PSD3: variants seen among roughly 807,000 people sequenced by gnomAD.
PSD3 encodes the protein PH and SEC7 domain-containing protein 3.
In PSD3, 49 loss-of-function variants were observed where a neutral mutation model predicts 105.5. The observed-to-expected ratio is 0.46, with a 90% CI of 0.37 to 0.59. The LOEUF (loss-of-function observed/expected upper bound fraction) is 0.59. Ranked by LOEUF, PSD3 falls within the 20% of genes least tolerant of loss-of-function variation. PSD3 has a pLI of 0.00. For missense variants in PSD3, 1,561 were observed against 1,263.8 expected, an observed-to-expected ratio of 1.24 and a Z score of -3.57; for synonymous variants, 557 against 457.8, an observed-to-expected ratio of 1.22 and a Z score of -2.77.
intron 1 of PSD3, among the ~76,000 whole-genome samples, chr8:18,972,284 T>G (rs1034666735): frequency 6.6e-6 from 1 of 152,198 alleles, no homozygotes; most frequent in Non-Finnish European, 1.5e-5. Flanking sequence ...ATTGATTTTC[T>G]GCAATGATAC....
At chr8:18,715,376 T>C (rs2129423886) in intron 9 of PSD3, among the ~76,000 whole-genome samples, 1 of 152,338 alleles carries the variant, frequency 6.6e-6, no homozygotes, top group East Asian at 1.9e-4. Flanking sequence ...ATTAAGCAGA[T>C]CTAAGAAACA....
At chr8:18,669,051 T>C (rs1799633021) in intron 9 of PSD3, among the ~76,000 whole-genome samples, 2 of 152,224 alleles carry the variant, frequency 1.3e-5, no homozygotes, top group South Asian at 4.1e-4. Flanking sequence ...AATTCTCCTT[T>C]AACACATCAC....
At chr8:18,876,164 C>G (rs1026182191) in intron 2 of PSD3, among the ~76,000 whole-genome samples, 23 of 152,070 alleles carry the variant, frequency 1.5e-4, no homozygotes, top group Admixed American at 1.3e-4. Context: ...TGATCTCAAG[C>G]AAACCTCCCA....
rs1327132973 is a variant in PSD3, at chr8:19,040,004, A to G, written c.324+44202T>C. ...TTGGGGGGTATTTATTTTAGTTAGGATGGTGTAAGGAGATGATATCTGGGC... is the reference window on the plus strand; with the variant it reads ...TTGGGGGGTATTTATTTTAGTTAGGGTGGTGTAAGGAGATGATATCTGGGC... On this transcript the variant is annotated intron_variant, in intron 1 of 1. Coordinates refer to the PSD3 transcript ENST00000521475. 1.1e-4 allele frequency among the ~76,000 whole-genome samples: 16 copies of G among 152,138 alleles called. 1 individual carries two copies. Among genetic ancestry groups the G allele is most frequent in the Admixed American group, 1.0e-3 (16 of 15,282 alleles).
intron 2 of PSD3, among the ~76,000 whole-genome samples, chr8:18,918,643 G>T (rs1157098621): frequency 6.6e-6 from 1 of 152,168 alleles, no homozygotes; most frequent in African/African-American, 2.4e-5. Context: ...TCTTTGCCCA[G>T]GCCTGTTCCC....
At chr8:18,776,496 G>C (rs139066671) in intron 8 of PSD3, among the ~76,000 whole-genome samples, 1,734 of 151,592 alleles carry the variant, frequency 0.011, 31 homozygotes, top group African/African-American at 0.04. Flanking sequence ...TGATTCGTCT[G>C]CCTCAGCTTC....
chr8:18,998,832 T>C (rs372434650), intron 1 of PSD3, among the ~76,000 whole-genome samples: 2,107 of 151,502 alleles, frequency 0.014, 72 homozygotes, highest in African/African-American at 0.049. Context: ...TTTATAGTTA[T>C]GATACATAAA....
intron 9 of PSD3, among the ~76,000 whole-genome samples, chr8:18,735,896 A>G (rs552068510): frequency 6.6e-6 from 1 of 152,306 alleles, no homozygotes; most frequent in Admixed American, 6.5e-5. Context: ...GGCAAATTGA[A>G]CAAAGATTGT....
At chr8:18,676,368 C>T (rs113058813) in intron 9 of PSD3, among the ~76,000 whole-genome samples, 79 of 152,162 alleles carry the variant, frequency 5.2e-4, no homozygotes, top group African/African-American at 1.9e-3. Flanking sequence ...TGGGACGCGG[C>T]TTCTCCTTCA....
chr8:18,640,538 C>G (rs1807569117), intron 10 of PSD3, among the ~76,000 whole-genome samples: 3 of 152,254 alleles, frequency 2.0e-5, no homozygotes, highest in Non-Finnish European at 2.9e-5. Context: ...TCACTTGGCT[C>G]TCATTCTTCT....
chr8:18,595,559 C>A lies in PSD3; in HGVS notation c.2481+4805G>T, dbSNP rs559434336. The stretch of plus-strand genomic sequence containing the variant: ...GAGACTCACTTTAGATTTAAAGACA[C>A]ACACACCTGAACATGAAATAATGGA... On this transcript the variant is annotated intron_variant, in intron 12 of 15. Transcript: ENST00000327040. Among the ~76,000 whole-genome samples the A allele has an allele frequency of 7.9e-5, 12 of 150,982 alleles. No homozygotes were observed. In the East Asian group the frequency reaches 2.1e-3, roughly 27 times the overall value.
At chr8:18,752,534 A>ATATAATATATAT (rs1805616360) in intron 9 of PSD3, among the ~76,000 whole-genome samples, 2 of 21,516 alleles carry the variant, frequency 9.3e-5, no homozygotes, top group African/African-American at 4.8e-4. Flanking sequence ...ATATAATTAT[A>ATATAATATATAT]TATTATATAT....
intron 1 of PSD3, among the ~76,000 whole-genome samples, chr8:19,019,224 T>C (rs1169691263): frequency 6.6e-6 from 1 of 152,156 alleles, no homozygotes; most frequent in African/African-American, 2.4e-5. Context: ...TTCAGGTTAA[T>C]GCTTTAAACT....
intron 10 of PSD3, among the ~76,000 whole-genome samples, chr8:18,653,361 A>G (rs1808658097): frequency 6.9e-6 from 1 of 144,648 alleles, no homozygotes; most frequent in African/African-American, 2.7e-5. Context: ...GAGAAAAAGA[A>G]AAAAAGACAA....
chr8:18,779,228 T>C (rs1808378547), intron 8 of PSD3, among the ~76,000 whole-genome samples: 2 of 152,218 alleles, frequency 1.3e-5, no homozygotes, highest in Admixed American at 1.3e-4. Context: ...TAGGTTCCAA[T>C]TTGTTCAGAC....
chr8:18,842,519 G>T (rs912019455), intron 4 of PSD3, among the ~76,000 whole-genome samples: 2 of 152,112 alleles, frequency 1.3e-5, no homozygotes, highest in Admixed American at 6.5e-5. Flanking sequence ...GGATCACAAG[G>T]TCAGGAGATC....
At chr8:18,818,908 G>C (rs1812454819) in intron 4 of PSD3, among the ~76,000 whole-genome samples, 1 of 152,068 alleles carries the variant, frequency 6.6e-6, no homozygotes, top group Admixed American at 6.5e-5. Context: ...GGGGGGAAAA[G>C]TCATCCCTGC....
At chr8:19,072,819 T>C (rs1004807671) in intron 1 of PSD3, among the ~76,000 whole-genome samples, 5 of 152,202 alleles carry the variant, frequency 3.3e-5, no homozygotes, top group Non-Finnish European at 7.3e-5. Flanking sequence ...ATAACTCACA[T>C]AATCCTTATT....
intron 1 of PSD3, among the ~76,000 whole-genome samples, chr8:18,950,414 T>C (rs1823162988): frequency 6.6e-6 from 1 of 152,164 alleles, no homozygotes; most frequent in African/African-American, 2.4e-5. Context: ...TACACCATTA[T>C]TAAAATTATA....
Sources: gnomAD v4.1 joint callset for allele counts (sites outside exome capture counted in the v4.1 genomes callset) on GRCh38, gnomAD v4.1.1 for gene constraint, MANE v1.5 for transcripts, NCBI Gene and HGNC (gene_info 2026-07-23, HGNC 2026-07-21) for gene names.